Variants in ASIC4 observed in about 807,000 individuals in gnomAD.
ASIC4 encodes acid sensing ion channel subunit family member 4.
Under a neutral mutation model 53.4 loss-of-function variants are expected in ASIC4, and 28 were observed. The ratio of observed to expected loss-of-function variants is 0.52; its 90% confidence interval spans 0.39 to 0.72. ASIC4 has a LOEUF of 0.72. Among genes scored for constraint, ASIC4 ranks in the 30% least tolerant of loss-of-function variants. The pLI is 0.00. For missense variants in ASIC4, 649 were observed against 729.7 expected (o/e 0.89, Z 1.27); for synonymous variants, 289 against 301.4 (o/e 0.96, Z 0.43).
chr2:219,514,595 C>T lies in ASIC4; in HGVS notation c.-130C>T. ...CCTCGGGCCCCCACCCTGTCCCTGT[C>T]CTCTTCCCGCTTGCCCTGAGTTTAG... On this transcript the variant is annotated 5_prime_UTR_variant, in exon 1 of 10. Coordinates refer to ENST00000358078, the MANE Select transcript of ASIC4 (RefSeq NM_018674.6). 3 of 1,595,560 alleles carry T rather than the reference C, an allele frequency of 1.9e-6. No homozygotes were observed. Among genetic ancestry groups the T allele is most frequent in the South Asian group, 2.3e-5 (2 of 88,694 alleles).
intron 1 of ASIC4, among the ~76,000 whole-genome samples, chr2:219,529,851 G>T (rs926635882): frequency 1.3e-5 from 2 of 152,090 alleles, no homozygotes; most frequent in Admixed American, 6.5e-5. Flanking sequence ...TGGTTGGGTG[G>T]TAGAAGAACT....
chr2:219,528,530 TTTGTTGTTG>T (rs751278104), intron 1 of ASIC4, among the ~76,000 whole-genome samples: 1 of 150,376 alleles, frequency 6.6e-6, no homozygotes. Context: ...GTCTGGACTT[TTTGTTGTTG>T]TTGTTGTTGT....
Position 219,535,192 on chromosome 2 carries a change from A to G in ASIC4, c.1097A>G (p.Glu366Gly). Reference protein sequence around the residue: ...HTLDSLGGGPEGPCFCPTPCN... With the variant: ...HTLDSLGGGPGGPCFCPTPCN... ...GCAGACTCCCTGGGTGGGGGCCCTG[A>G]GGGCCCGTGCTTCTGCCCCACCCCC... is the stretch of plus-strand genomic sequence containing the variant. Residue 366 changes from glutamate to glycine, a missense_variant, in exon 6 of 10, where the codon GAG becomes GGG. Glu to Gly is a moderately conservative substitution (Grantham distance 98, BLOSUM62 -2). Transcript: ENST00000358078. 6.2e-7 allele frequency: 1 copy of G among 1,613,484 alleles called. No individual in the cohort carries two copies. The highest frequency in any genetic ancestry group is 8.5e-7 in the Non-Finnish European group (1 of 1,179,674).
At position 219,536,297 on chromosome 2, in the gene ASIC4, AC is replaced by A. The variant is rs1695135466; in HGVS notation, c.1230-766del. 6.6e-6 allele frequency among the ~76,000 whole-genome samples: 1 copy of A among 152,182 alleles called. No homozygotes were observed. The highest frequency in any genetic ancestry group is 2.4e-5 in the African/African-American group (1 of 41,450). On this transcript the variant is annotated intron_variant, in intron 6 of 9. Coordinates refer to ENST00000358078, the MANE Select transcript of ASIC4 (RefSeq NM_018674.6). This position sits in a 1 kb window ranked among gnomAD's most constrained non-coding sequence, Gnocchi z 4.6. ...GGATGAGACAGGAGAGGAACACAGT[AC>A]CCTGCAGGGGGAGGCAGGAGGGACC... is the stretch of plus-strand genomic sequence containing the variant.
chr2:219,538,315 G>C lies in ASIC4; in HGVS notation c.*269G>C. On this transcript the variant is annotated 3_prime_UTR_variant, in exon 10 of 10. Transcript: ENST00000358078. ...AGAGGAAGGGAAGGAAGGAGAGGGA[G>C]GGGGAGGATAGAGCCCATCCCAGCC... 1 of 475,230 alleles carries C rather than the reference G, an allele frequency of 2.1e-6. No homozygotes were observed. The highest frequency in any genetic ancestry group is 2.5e-5 in the South Asian group (1 of 40,248). 29.4% of individuals were successfully genotyped at this position (475,230 alleles called of 1,614,324 possible).
intron 1 of ASIC4, among the ~76,000 whole-genome samples, chr2:219,530,129 G>A (rs1400717882): frequency 1.3e-5 from 2 of 152,158 alleles, no homozygotes; most frequent in Non-Finnish European, 1.5e-5. Flanking sequence ...GAGGGGGAGC[G>A]GGAGAGAGTG....
the ASIC4 span, among the ~76,000 whole-genome samples, chr2:219,508,392 T>A: frequency 1.3e-5 from 2 of 152,088 alleles, no homozygotes; most frequent in African/African-American, 2.4e-5. Flanking sequence ...GGGATCCCCC[T>A]CCTAGACCCA....
intron 4 of ASIC4, 85 bp downstream of exon 4, chr2:219,532,562 A>C: frequency 2.0e-6 from 3 of 1,497,432 alleles, no homozygotes; most frequent in Non-Finnish European, 2.7e-6. Flanking sequence ...TCATGTGCAC[A>C]GGCAGGTGCA....
intron 1 of ASIC4, among the ~76,000 whole-genome samples, chr2:219,515,647 A>C (rs1459028443): frequency 6.6e-6 from 1 of 152,200 alleles, no homozygotes; most frequent in Non-Finnish European, 1.5e-5. Context: ...GCACCATCCC[A>C]AGGCCAGACC....
upstream of ASIC4, chr2:219,514,379 C>T (rs774644784): frequency 5.1e-5 from 79 of 1,546,430 alleles, no homozygotes; most frequent in Middle Eastern, 9.1e-4. Context: ...CGCGGCGTGG[C>T]GGAGCAGCGC....
At chr2:219,507,117 G>A in the ASIC4 span, 1,407 of 323,852 alleles carry the variant, frequency 4.3e-3, 6 homozygotes, top group Admixed American at 8.4e-3. Context: ...TGAATCTGGA[G>A]CCCTGGTAAA....
At chr2:219,509,737 C>G (rs1431239392), upstream of ASIC4, among the ~76,000 whole-genome samples, 3 of 152,066 alleles carry the variant, frequency 2.0e-5, no homozygotes, top group Non-Finnish European at 4.4e-5. The surrounding 1 kb of genome is among the most constrained non-coding windows in gnomAD (Gnocchi z 5.2). Context: ...CTTCCAAGCC[C>G]ACACCCCTCC....
At chr2:219,520,452 C>T (rs1243717654) in intron 1 of ASIC4, among the ~76,000 whole-genome samples, 1 of 152,220 alleles carries the variant, frequency 6.6e-6, no homozygotes, top group Non-Finnish European at 1.5e-5. Flanking sequence ...AGCTCCTTCT[C>T]TTCCCAGTGT....
intron 1 of ASIC4, among the ~76,000 whole-genome samples, chr2:219,522,049 C>G (rs1013575865): frequency 1.3e-5 from 2 of 152,100 alleles, no homozygotes; most frequent in African/African-American, 4.8e-5. Context: ...CACTTCTTCC[C>G]CTGGCTCCTA....
In ASIC4 at chr2:219,536,479, C is replaced by T. The variant is rs753515494; in HGVS notation, c.1230-587C>T. On this transcript the variant is annotated intron_variant, in intron 6 of 9. Coordinates refer to ENST00000358078, the MANE Select transcript of ASIC4 (RefSeq NM_018674.6). This position sits in a 1 kb window ranked among gnomAD's most constrained non-coding sequence, Gnocchi z 4.6. The stretch of plus-strand genomic sequence containing the variant: ...TGAGCCCACGTTTGATCATGTAGGA[C>T]TGATTCTCAGGCCCCAGTCGGGGAG... Among the ~76,000 whole-genome samples the T allele has an allele frequency of 1.3e-5, 2 of 152,116 alleles. No individual in the cohort carries two copies. Among genetic ancestry groups the T allele is most frequent in the African/African-American group, 2.4e-5 (1 of 41,418 alleles).
chr2:219,522,140 T>C (rs1350500869), intron 1 of ASIC4, among the ~76,000 whole-genome samples: 1 of 151,978 alleles, frequency 6.6e-6, no homozygotes, highest in Non-Finnish European at 1.5e-5. Flanking sequence ...GGTGTTGGGT[T>C]GGAGGGGGAG....
upstream of ASIC4, among the ~76,000 whole-genome samples, chr2:219,509,196 A>G (rs988638566): frequency 6.6e-6 from 1 of 152,024 alleles, no homozygotes; most frequent in Non-Finnish European, 1.5e-5. This position sits in a 1 kb window ranked among gnomAD's most constrained non-coding sequence, Gnocchi z 5.2. Context: ...CTTAGCAGCC[A>G]TTATCGGGGG....
intron 1 of ASIC4, among the ~76,000 whole-genome samples, chr2:219,524,416 C>T (rs1224842588): frequency 6.6e-6 from 1 of 152,254 alleles, no homozygotes; most frequent in Non-Finnish European, 1.5e-5. Flanking sequence ...CTTATCCTCT[C>T]TGTACCTCCG....
At chr2:219,520,434 A>G (rs57609470) in intron 1 of ASIC4, among the ~76,000 whole-genome samples, 1,665 of 151,776 alleles carry the variant, frequency 0.011, 15 homozygotes, top group African/African-American at 0.038. Flanking sequence ...TGTCCCAGCG[A>G]CCTCCTTAGC....
Sources: gnomAD v4.1 joint callset for allele counts (sites outside exome capture counted in the v4.1 genomes callset) on GRCh38, gnomAD v4.1.1 for gene constraint, Gnocchi (gnomAD v3.1) non-coding constraint, MANE v1.5 for transcripts, NCBI Gene and HGNC (gene_info 2026-07-23, HGNC 2026-07-21) for gene names.